The following LOC400499 variants were observed in gnomAD, a reference collection of about 807,000 sequenced individuals.
the LOC400499 span, chr16:11,385,405 C>T: frequency 2.4e-6 from 3 of 1,232,268 alleles, 1 homozygote; most frequent in Non-Finnish European, 3.0e-6. Flanking sequence ...GCCCCAGCCA[C>T]CAGGGCATGG....
the LOC400499 span, among the ~76,000 whole-genome samples, chr16:11,436,296 C>A: frequency 6.6e-6 from 1 of 152,144 alleles, no homozygotes; most frequent in Admixed American, 6.5e-5. Flanking sequence ...GAGTGCCCCA[C>A]GGGAACCAGA....
At chr16:11,515,889 C>CCCCCCCCCCCCCCCCAA in the LOC400499 span, 2 of 42,462 alleles carry the variant, frequency 4.7e-5, no homozygotes, top group Non-Finnish European at 1.1e-4. Context: ...CAGCCCAGCC[C>CCCCCCCCCCCCCCCCAA]AGCCTAGCCC....
At chr16:11,489,314 C>T in the LOC400499 span, among the ~76,000 whole-genome samples, 1 of 152,202 alleles carries the variant, frequency 6.6e-6, no homozygotes, top group Admixed American at 6.5e-5. Flanking sequence ...CTCTTGGAAC[C>T]TTAGTTTTCT....
the LOC400499 span, chr16:11,522,206 C>G: frequency 2.5e-5 from 10 of 398,076 alleles, no homozygotes; most frequent in Admixed American, 3.1e-4. Context: ...TCACACCTCT[C>G]TCTCTCCATC....
chr16:11,383,745 G>C, the LOC400499 span: 23 of 1,232,414 alleles, frequency 1.9e-5, no homozygotes, highest in Non-Finnish European at 2.3e-5. Flanking sequence ...TGCCACAGGG[G>C]ACCTGCACAC....
the LOC400499 span, among the ~76,000 whole-genome samples, chr16:11,386,682 C>G: frequency 6.6e-6 from 1 of 152,240 alleles, no homozygotes; most frequent in Non-Finnish European, 1.5e-5. Context: ...CCTGGCCACA[C>G]AGCATTTCAT....
chr16:11,521,732 C>A, the LOC400499 span, among the ~76,000 whole-genome samples: 41 of 152,284 alleles, frequency 2.7e-4, no homozygotes, highest in Non-Finnish European at 5.1e-4. Context: ...CTTCCTTAAC[C>A]TCTGCTATTC....
the LOC400499 span, among the ~76,000 whole-genome samples, chr16:11,496,453 G>C: frequency 6.6e-6 from 1 of 152,246 alleles, no homozygotes; most frequent in Admixed American, 6.5e-5. Flanking sequence ...GTGTGAAGGT[G>C]TGAACATAAG....
the LOC400499 span, among the ~76,000 whole-genome samples, chr16:11,519,854 C>A: frequency 1.3e-5 from 2 of 151,848 alleles, no homozygotes; most frequent in African/African-American, 2.4e-5. Flanking sequence ...TACAGGCATG[C>A]ACCACCACGC....
the LOC400499 span, among the ~76,000 whole-genome samples, chr16:11,419,687 T>G: frequency 1.3e-5 from 2 of 152,166 alleles, no homozygotes; most frequent in African/African-American, 4.8e-5. Flanking sequence ...GGAGAAAATT[T>G]TCGCAACCTA....
At chr16:11,489,596 T>C in the LOC400499 span, among the ~76,000 whole-genome samples, 2 of 152,212 alleles carry the variant, frequency 1.3e-5, no homozygotes, top group East Asian at 1.9e-4. Context: ...GAACAATCTA[T>C]CACAGAATAG....
chr16:11,464,170 T>TATGG, the LOC400499 span, among the ~76,000 whole-genome samples: 6 of 151,674 alleles, frequency 4.0e-5, no homozygotes, highest in Admixed American at 6.6e-5. Flanking sequence ...TATGGACATG[T>TATGG]GTATGTCATA....
At chr16:11,378,484 A>T in the LOC400499 span, among the ~76,000 whole-genome samples, 1 of 152,150 alleles carries the variant, frequency 6.6e-6, no homozygotes, top group Non-Finnish European at 1.5e-5. Flanking sequence ...AGCTGGGCTC[A>T]AACTCCTGAC....
At chr16:11,427,157 A>C in the LOC400499 span, among the ~76,000 whole-genome samples, 14 of 151,710 alleles carry the variant, frequency 9.2e-5, no homozygotes, top group South Asian at 2.5e-3. Flanking sequence ...CAGGAGTTCA[A>C]GACCAGCCTG....
chr16:11,431,030 C>A, the LOC400499 span: 142 of 399,062 alleles, frequency 3.6e-4, no homozygotes, highest in African/African-American at 2.7e-3. Context: ...TTCCCCAGGC[C>A]CTCACCCTCT....
the LOC400499 span, among the ~76,000 whole-genome samples, chr16:11,525,012 C>A: frequency 6.6e-6 from 1 of 152,158 alleles, no homozygotes; most frequent in Non-Finnish European, 1.5e-5. Flanking sequence ...TGCCTGGGTA[C>A]GGTGGCTCAT....
At chr16:11,457,591 C>CAAA in the LOC400499 span, among the ~76,000 whole-genome samples, 361 of 97,036 alleles carry the variant, frequency 3.7e-3, 1 homozygote, top group African/African-American at 0.013. Flanking sequence ...GACTCCATCT[C>CAAA]AAAAAAAAAA....
chr16:11,467,902 G>A, the LOC400499 span, among the ~76,000 whole-genome samples: 1 of 152,248 alleles, frequency 6.6e-6, no homozygotes, highest in South Asian at 2.1e-4. Context: ...AGGTGATGAG[G>A]GTGAACCCTA....
At chr16:11,481,603 A>C in the LOC400499 span, among the ~76,000 whole-genome samples, 1 of 152,126 alleles carries the variant, frequency 6.6e-6, no homozygotes, top group Non-Finnish European at 1.5e-5. Context: ...GATTGCAGGC[A>C]TAAGCCACCG....
Sources: gnomAD v4.1 joint callset for allele counts (sites outside exome capture counted in the v4.1 genomes callset) on GRCh38, gnomAD v4.1.1 for gene constraint, MANE v1.5 for transcripts.